Variants in NPAS3 observed in about 807,000 individuals in gnomAD.
NPAS3 encodes neuronal PAS domain-containing protein 3.
NPAS3 carries 14 observed loss-of-function variants against 73.1 expected under a neutral mutation model. That is an observed-to-expected ratio of 0.19 (90% confidence interval 0.13 to 0.30). The LOEUF (loss-of-function observed/expected upper bound fraction) is 0.30, where lower values mean the gene tolerates loss of function less well. Ranked by LOEUF, NPAS3 falls within the 10% of genes least tolerant of loss-of-function variation. NPAS3 has a pLI of 1.00. For missense variants in NPAS3, 1,096 were observed against 1,250.0 expected, an observed-to-expected ratio of 0.88 and a Z score of 1.86; for synonymous variants, 620 against 541.5, an observed-to-expected ratio of 1.14 and a Z score of -2.01.
chr14:33,207,931 T>G (rs1243394234), intron 2 of NPAS3, among the ~76,000 whole-genome samples: 1 of 152,048 alleles, frequency 6.6e-6, no homozygotes, highest in Non-Finnish European at 1.5e-5. Flanking sequence ...CATTCCTAAA[T>G]GATAATTTGC....
chr14:33,679,918 A>G (rs961252426), intron 6 of NPAS3, among the ~76,000 whole-genome samples: 23 of 152,222 alleles, frequency 1.5e-4, no homozygotes, highest in African/African-American at 5.5e-4. Flanking sequence ...AGTTTAGTCA[A>G]TGTATTATCT....
Position 33,785,434 on chromosome 14 carries a change from CAAA to C in NPAS3, c.1153+6881_1153+6883del, listed in dbSNP as rs1223437695. Among the ~76,000 whole-genome samples, 176 of 75,384 alleles carry C rather than the reference CAAA, an allele frequency of 2.3e-3. 1 individual carries two copies. Among genetic ancestry groups the C allele is most frequent in the African/African-American group, 7.0e-3 (161 of 22,886 alleles). 49.5% of individuals were successfully genotyped at this position (75,384 alleles called of 152,430 possible). ...TGGGTGACAGAGTGAGACTCCATCT[CAAA>C]AAAAAAAAAAAAAAAAAATCAATAC... On this transcript the variant is annotated intron_variant, in intron 9 of 11. Coordinates refer to ENST00000356141, the Ensembl canonical transcript of NPAS3.
chr14:33,236,376 A>G (rs1427253778), intron 3 of NPAS3, among the ~76,000 whole-genome samples: 1 of 151,990 alleles, frequency 6.6e-6, no homozygotes, highest in African/African-American at 2.4e-5. Flanking sequence ...CTTTTACCTC[A>G]CTGTAATTTT....
intron 4 of NPAS3, among the ~76,000 whole-genome samples, chr14:33,558,018 T>C (rs1209498956): frequency 6.6e-6 from 1 of 152,204 alleles, no homozygotes; most frequent in Non-Finnish European, 1.5e-5. Context: ...CATATAGTAC[T>C]TGTGAAAATT....
chr14:33,022,338 T>G (rs906394426), intron 1 of NPAS3, among the ~76,000 whole-genome samples: 1 of 152,078 alleles, frequency 6.6e-6, no homozygotes, highest in African/African-American at 2.4e-5. Context: ...TCCATTAAAG[T>G]TGTTAGAAAT....
intron 4 of NPAS3, among the ~76,000 whole-genome samples, chr14:33,452,153 CA>C (rs1275508630): frequency 6.6e-6 from 1 of 152,076 alleles, no homozygotes; most frequent in Non-Finnish European, 1.5e-5. Context: ...GCCTTGTGAA[CA>C]AGTGCATTCA....
intron 9 of NPAS3, among the ~76,000 whole-genome samples, chr14:33,791,550 T>G (rs2063360028): frequency 1.3e-5 from 2 of 152,206 alleles, no homozygotes; most frequent in African/African-American, 4.8e-5. Context: ...TTCAGCCCCC[T>G]TCGCTACACA....
chr14:33,594,539 A>G (rs1484526645), intron 5 of NPAS3, among the ~76,000 whole-genome samples: 2 of 152,150 alleles, frequency 1.3e-5, no homozygotes, highest in African/African-American at 2.4e-5. Flanking sequence ...TCTCCCTTCC[A>G]GTCCCTTGAC....
chr14:33,638,469 C>T (rs1458226222), intron 5 of NPAS3, among the ~76,000 whole-genome samples: 1 of 151,984 alleles, frequency 6.6e-6, no homozygotes, highest in Non-Finnish European at 1.5e-5. Context: ...TCTTAGTTTC[C>T]TAATCTGTGA....
At chr14:32,937,996 G>GT (rs2035753054), upstream of NPAS3, among the ~76,000 whole-genome samples, 1 of 152,180 alleles carries the variant, frequency 6.6e-6, no homozygotes, top group Non-Finnish European at 1.5e-5. Flanking sequence ...TCAAACCGGG[G>GT]TGCGGCTGGG....
chr14:33,224,247 A>G (rs1302504872), intron 3 of NPAS3, among the ~76,000 whole-genome samples: 1 of 152,198 alleles, frequency 6.6e-6, no homozygotes, highest in Non-Finnish European at 1.5e-5. Flanking sequence ...AGCACAATAT[A>G]TAGTTCCAGT....
intron 3 of NPAS3, among the ~76,000 whole-genome samples, chr14:33,358,278 G>C (rs1015268211): frequency 1.3e-5 from 2 of 152,166 alleles, no homozygotes; most frequent in Non-Finnish European, 2.9e-5. Context: ...GGGGTTTTCA[G>C]ACAGTGCCAA....
intron 2 of NPAS3, among the ~76,000 whole-genome samples, chr14:33,210,494 T>A (rs943634479): frequency 2.0e-5 from 3 of 152,174 alleles, no homozygotes; most frequent in African/African-American, 7.2e-5. Context: ...GCACCACTTG[T>A]CCTGGGTGAG....
chr14:33,296,605 A>T (rs1315584306), intron 3 of NPAS3, among the ~76,000 whole-genome samples: 1 of 152,218 alleles, frequency 6.6e-6, no homozygotes, highest in Non-Finnish European at 1.5e-5. Context: ...TTGGATGTAG[A>T]TGTGACTCCC....
upstream of NPAS3, among the ~76,000 whole-genome samples, chr14:32,938,486 T>TGACAGAGA (rs1555372900): frequency 0.022 from 1,205 of 55,936 alleles, 90 homozygotes; most frequent in Middle Eastern, 0.045. Context: ...AGAGAGAAAT[T>TGACAGAGA]GAGAGAGAGA....
chr14:33,135,759 T>C (rs1346450669), intron 2 of NPAS3, among the ~76,000 whole-genome samples: 1 of 152,132 alleles, frequency 6.6e-6, no homozygotes, highest in African/African-American at 2.4e-5. Context: ...AACAATAAAA[T>C]ACTAGCATTG....
intron 4 of NPAS3, among the ~76,000 whole-genome samples, chr14:33,546,774 C>T (rs1374808797): frequency 1.3e-5 from 2 of 152,082 alleles, no homozygotes; most frequent in African/African-American, 2.4e-5. Flanking sequence ...GCTGAGCTTA[C>T]GAGAAAGAGC....
At position 33,641,634 on chromosome 14, in the gene NPAS3, C is replaced by T. The variant is rs868422823; in HGVS notation, c.559-34577C>T. Among the ~76,000 whole-genome samples the T allele has an allele frequency of 5.3e-5, 8 of 152,054 alleles. No homozygotes were observed. In the East Asian group the frequency reaches 1.2e-3, roughly 22 times the overall value. On this transcript the variant is annotated intron_variant, in intron 5 of 11. Transcript: ENST00000356141. ...CTGATACCTCTCTCCTGATGGAGAG[C>T]ATCTAACCTCCTACTCCACATTTGT...
At position 33,725,474 on chromosome 14, in the gene NPAS3, A is replaced by G. The variant is rs551250215; in HGVS notation, c.734-9740A>G. Reference sequence around the variant, plus strand: ...GATAACATTATGGGGATTTTTTTAAATTTTCCTATTTATACTTCATGTTTT... The same window carrying G: ...GATAACATTATGGGGATTTTTTTAAGTTTTCCTATTTATACTTCATGTTTT... On this transcript the variant is annotated intron_variant, in intron 6 of 11. Coordinates refer to ENST00000356141, the Ensembl canonical transcript of NPAS3. 5.3e-5 allele frequency among the ~76,000 whole-genome samples: 8 copies of G among 152,130 alleles called. No individual in the cohort carries two copies. In the East Asian group the frequency reaches 7.7e-4, roughly 15 times the overall value.
Sources: allele counts gnomAD v4.1 joint callset (sites outside exome capture counted in the v4.1 genomes callset), GRCh38; gene constraint gnomAD v4.1.1; transcripts MANE v1.5; gene names NCBI Gene and HGNC (gene_info 2026-07-23, HGNC 2026-07-21).